ZNF469: variants seen among roughly 807,000 people sequenced by gnomAD.
ZNF469 encodes the protein zinc finger protein 469.
Under a neutral mutation model 1.0 loss-of-function variants are expected in ZNF469, and 1 was observed. The observed-to-expected ratio is 1.00, with a 90% CI of 0.35 to 4.73. ZNF469 has a LOEUF of 4.73. Ranked by LOEUF, ZNF469 falls within the 30% of genes most tolerant of loss-of-function variation. ZNF469 has a pLI of 0.16. For missense variants in ZNF469, 6,100 were observed against 5,356.3 expected, an observed-to-expected ratio of 1.14 and a Z score of -4.33; for synonymous variants, 2,703 against 2,363.4, an observed-to-expected ratio of 1.14 and a Z score of -4.17.
chr16:88,126,917 T>C, the ZNF469 span, among the ~76,000 whole-genome samples: 2 of 152,206 alleles, frequency 1.3e-5, no homozygotes, highest in Non-Finnish European at 1.5e-5. Flanking sequence ...TCCCCCGGGT[T>C]CAAGTGATTC....
At chr16:88,371,380 C>A in the ZNF469 span, among the ~76,000 whole-genome samples, 1 of 152,240 alleles carries the variant, frequency 6.6e-6, no homozygotes, top group South Asian at 2.1e-4. Context: ...CTCACATTTA[C>A]ATAGGACGTG....
At chr16:88,282,566 G>C in the ZNF469 span, among the ~76,000 whole-genome samples, 1 of 152,202 alleles carries the variant, frequency 6.6e-6, no homozygotes, top group African/African-American at 2.4e-5. Flanking sequence ...AACATGCACA[G>C]AGGGGAGTGT....
chr16:88,352,684 G>A, the ZNF469 span, among the ~76,000 whole-genome samples: 1 of 152,264 alleles, frequency 6.6e-6, no homozygotes, highest in Non-Finnish European at 1.5e-5. Context: ...CTCCCTGGCT[G>A]GTAGCAGCCG....
chr16:88,415,708 C>T (rs1322226769), intron 1 of ZNF469, among the ~76,000 whole-genome samples: 1 of 152,194 alleles, frequency 6.6e-6, no homozygotes, highest in Non-Finnish European at 1.5e-5. Flanking sequence ...CGTCCCAGCC[C>T]CACATCTCAG....
At chr16:88,412,451 GCAT>G (rs1905197335) in intron 1 of ZNF469, among the ~76,000 whole-genome samples, 1 of 152,216 alleles carries the variant, frequency 6.6e-6, no homozygotes, top group Non-Finnish European at 1.5e-5. Flanking sequence ...GAACCCTGCT[GCAT>G]CGGAGTTCAT....
the ZNF469 span, among the ~76,000 whole-genome samples, chr16:88,346,922 A>C: frequency 3.3e-5 from 5 of 152,224 alleles, no homozygotes; most frequent in Non-Finnish European, 4.4e-5. Context: ...AGCCGGGAAG[A>C]ACCAGCTGGC....
chr16:88,132,405 A>G, the ZNF469 span, among the ~76,000 whole-genome samples: 1 of 152,152 alleles, frequency 6.6e-6, no homozygotes, highest in Non-Finnish European at 1.5e-5. Context: ...TGCTCAGCCC[A>G]CCCAGAGCGC....
chr16:88,411,391 C>T (rs1905156791), intron 1 of ZNF469, among the ~76,000 whole-genome samples: 2 of 148,256 alleles, frequency 1.3e-5, no homozygotes, highest in South Asian at 2.1e-4. Context: ...GGTGGTGGGG[C>T]AGCAGGGGCA....
the ZNF469 span, among the ~76,000 whole-genome samples, chr16:88,220,481 C>G: frequency 6.6e-6 from 1 of 152,118 alleles, no homozygotes; most frequent in East Asian, 1.9e-4. Context: ...CAGATGGCAG[C>G]CAGGTGACAG....
chr16:88,148,952 G>A, the ZNF469 span, among the ~76,000 whole-genome samples: 3 of 152,276 alleles, frequency 2.0e-5, no homozygotes, highest in African/African-American at 4.8e-5. Context: ...GCCGTGGCTG[G>A]GTGGCAGGGA....
chr16:88,242,832 A>G, the ZNF469 span, among the ~76,000 whole-genome samples: 1 of 152,156 alleles, frequency 6.6e-6, no homozygotes, highest in Non-Finnish European at 1.5e-5. Context: ...GGAGGGGAAA[A>G]CCCAAGGAGC....
chr16:88,241,376 C>T, the ZNF469 span, among the ~76,000 whole-genome samples: 4 of 149,914 alleles, frequency 2.7e-5, no homozygotes, highest in Admixed American at 2.7e-4. The surrounding 1 kb of genome is among the most constrained non-coding windows in gnomAD (Gnocchi z 4.8). Context: ...AAAAAAAGCC[C>T]TATTGTCACA....
the ZNF469 span, among the ~76,000 whole-genome samples, chr16:88,158,824 G>C: frequency 6.6e-6 from 1 of 151,584 alleles, no homozygotes; most frequent in African/African-American, 2.4e-5. Flanking sequence ...GGCAGTGCAG[G>C]GGGGCAGAGC....
At chr16:88,295,357 C>T in the ZNF469 span, among the ~76,000 whole-genome samples, 1 of 55,802 alleles carries the variant, frequency 1.8e-5, no homozygotes, top group Non-Finnish European at 3.8e-5. Context: ...TGGCAGGGCT[C>T]AGGGTCTGGG....
chr16:88,130,208 C>A, the ZNF469 span, among the ~76,000 whole-genome samples: 1 of 152,126 alleles, frequency 6.6e-6, no homozygotes, highest in Non-Finnish European at 1.5e-5. Flanking sequence ...AAACGGGAGG[C>A]CAAGCTGTCC....
At chr16:88,177,016 G>A in the ZNF469 span, among the ~76,000 whole-genome samples, 1 of 152,256 alleles carries the variant, frequency 6.6e-6, no homozygotes, top group Non-Finnish European at 1.5e-5. This position sits in a 1 kb window ranked among gnomAD's most constrained non-coding sequence, Gnocchi z 4.8. Flanking sequence ...CCAGGTCATA[G>A]AAACCTCGAG....
the ZNF469 span, among the ~76,000 whole-genome samples, chr16:88,158,823 G>A: frequency 1.3e-5 from 2 of 151,600 alleles, no homozygotes; most frequent in African/African-American, 4.9e-5. Flanking sequence ...GGGCAGTGCA[G>A]GGGGGCAGAG....
At chr16:88,106,898 G>A in the ZNF469 span, among the ~76,000 whole-genome samples, 1 of 138,604 alleles carries the variant, frequency 7.2e-6, no homozygotes, top group African/African-American at 3.5e-5. Context: ...AGCAACGCCA[G>A]CCTCTCCAGG....
the ZNF469 span, among the ~76,000 whole-genome samples, chr16:88,235,488 G>A: frequency 6.6e-6 from 1 of 152,282 alleles, no homozygotes; most frequent in African/African-American, 2.4e-5. Flanking sequence ...ACCTCTCCAC[G>A]CCAGACCAGG....
Sources: allele counts gnomAD v4.1 joint callset (sites outside exome capture counted in the v4.1 genomes callset), GRCh38; gene constraint gnomAD v4.1.1; non-coding constraint Gnocchi (gnomAD v3.1); transcripts MANE v1.5; gene names NCBI Gene and HGNC (gene_info 2026-07-23, HGNC 2026-07-21).